The following EYS variants were observed in gnomAD, a reference collection of about 807,000 sequenced individuals.
EYS encodes EGF-like photoreceptor maintenance factor.
Under a neutral mutation model 282.1 loss-of-function variants are expected in EYS, and 250 were observed. The ratio of observed to expected loss-of-function variants is 0.89; its 90% confidence interval spans 0.80 to 0.98. The LOEUF (loss-of-function observed/expected upper bound fraction) is 0.98, where lower values mean the gene tolerates loss of function less well. Ranked by LOEUF, EYS falls within the 50% of genes least tolerant of loss-of-function variation. The pLI is 0.00. For missense variants in EYS, 4,016 were observed against 3,709.0 expected (o/e 1.08, Z -2.15); for synonymous variants, 1,355 against 1,282.9 (o/e 1.06, Z -1.20).
At chr6:65,592,527 G>A (rs377123047) in intron 2 of EYS, among the ~76,000 whole-genome samples, 1 of 151,878 alleles carries the variant, frequency 6.6e-6, no homozygotes, top group Non-Finnish European at 1.5e-5. Context: ...TTTATCATGA[G>A]CAGGTATAGG....
At chr6:64,033,279 G>T (rs770498960) in intron 33 of EYS, among the ~76,000 whole-genome samples, 4 of 152,044 alleles carry the variant, frequency 2.6e-5, no homozygotes, top group African/African-American at 9.7e-5. Flanking sequence ...CCTACTCATC[G>T]TAAGTCTACT....
intron 2 of EYS, among the ~76,000 whole-genome samples, chr6:65,566,534 A>G (rs893830996): frequency 1.1e-4 from 17 of 152,178 alleles, no homozygotes; most frequent in Admixed American, 1.1e-3. Flanking sequence ...TCTGCCTTAA[A>G]TCTACTTTTG....
At chr6:64,781,431 T>G (rs1005201647) in intron 22 of EYS, among the ~76,000 whole-genome samples, 2 of 151,886 alleles carry the variant, frequency 1.3e-5, no homozygotes, top group African/African-American at 4.8e-5. Context: ...ATGACACTTA[T>G]GGCCGGGCGG....
intron 13 of EYS, among the ~76,000 whole-genome samples, chr6:64,998,678 A>C (rs1771358141): frequency 6.6e-6 from 1 of 152,190 alleles, no homozygotes; most frequent in Non-Finnish European, 1.5e-5. Context: ...CCTAGTTTTT[A>C]ACCTCTCATT....
At chr6:64,685,752 G>T (rs1770073598) in intron 22 of EYS, among the ~76,000 whole-genome samples, 1 of 151,982 alleles carries the variant, frequency 6.6e-6, no homozygotes, top group African/African-American at 2.4e-5. Context: ...AAATTTACTT[G>T]TAAGAGACCC....
chr6:63,774,058 T>C (rs1035792409), intron 40 of EYS, among the ~76,000 whole-genome samples: 3 of 152,238 alleles, frequency 2.0e-5, no homozygotes, highest in African/African-American at 4.8e-5. Flanking sequence ...TAATCTTTGA[T>C]GCATTTTACA....
chr6:63,739,256 G>A (rs1769012072), intron 41 of EYS, among the ~76,000 whole-genome samples: 2 of 152,146 alleles, frequency 1.3e-5, no homozygotes, highest in African/African-American at 4.8e-5. Flanking sequence ...ATGGAACTTA[G>A]TGTATGGGAG....
rs1393913948 is a variant in EYS at position 64,945,848 on chromosome 6, T to C, written c.2326A>G (p.Lys776Glu). ...NFCEQESNEC[K>E]MNPCKNNSTC... The stretch of plus-strand genomic sequence containing the variant: ...GAATTGTTCTTGCAAGGATTCATTT[T>C]ACACTCATTGGATTCTTGTTCACAA... The change falls in exon 15 of 43, where the codon AAA becomes GAA. Residue 776 changes from lysine (K) to glutamate (E), a missense_variant. Lys to Glu is a moderately conservative substitution (Grantham distance 56, BLOSUM62 1). Coordinates refer to ENST00000503581, the MANE Select transcript of EYS (RefSeq NM_001142800.2). The C allele has an allele frequency of 3.9e-6, 6 of 1,549,684 alleles. No homozygotes were observed. The East Asian group carries it at 9.8e-5, about 25-fold the overall frequency.
At chr6:65,483,582 A>G (rs979546271) in intron 5 of EYS, among the ~76,000 whole-genome samples, 2 of 152,144 alleles carry the variant, frequency 1.3e-5, no homozygotes, top group African/African-American at 4.8e-5. Flanking sequence ...ATATATTAAT[A>G]TGCACAGTTG....
In EYS at chr6:65,200,751, TA is replaced by T. The variant is rs781179133; in HGVS notation, c.2023+95111del. Among the ~76,000 whole-genome samples the T allele has an allele frequency of 1.1e-4, 17 of 152,100 alleles. 2 individuals carry two copies. Among genetic ancestry groups the T allele is most frequent in the Non-Finnish European group, 1.6e-4 (11 of 68,004 alleles). ...ACATCTTTCATATTTCTCGAAATTC[TA>T]AATATTAAAAAATTGCTTAGCCACA... On this transcript the variant is annotated intron_variant, in intron 12 of 42. Transcript: ENST00000503581.
rs1224792510 is a variant in EYS at position 64,826,478 on chromosome 6, C to A, written c.2993-3656G>T. Reference sequence around the variant, plus strand: ...TTTGAGTTTTTTTCCTATGATCCCACTTATTTAAAAATCCTCTTTACTAGT... The same window carrying A: ...TTTGAGTTTTTTTCCTATGATCCCAATTATTTAAAAATCCTCTTTACTAGT... On this transcript the variant is annotated intron_variant, in intron 19 of 42. Coordinates refer to ENST00000503581, the MANE Select transcript of EYS (RefSeq NM_001142800.2). Among the ~76,000 whole-genome samples the A allele has an allele frequency of 3.3e-5, 5 of 151,654 alleles. No individual in the cohort carries two copies. In the East Asian group the frequency reaches 9.7e-4, roughly 29 times the overall value.
chr6:65,027,652 C>T (rs2150141954), intron 13 of EYS, among the ~76,000 whole-genome samples: 1 of 152,286 alleles, frequency 6.6e-6, no homozygotes. Context: ...TAAGTGGAAT[C>T]ATGCAATAGG....
At chr6:63,840,653 G>A (rs540122344) in intron 36 of EYS, among the ~76,000 whole-genome samples, 4 of 152,158 alleles carry the variant, frequency 2.6e-5, no homozygotes, top group Admixed American at 2.0e-4. Context: ...TTTTCTTCTA[G>A]TAGTTTTAGA....
intron 14 of EYS, among the ~76,000 whole-genome samples, chr6:64,949,979 G>A (rs559329352): frequency 6.7e-4 from 102 of 151,892 alleles, no homozygotes; most frequent in Middle Eastern, 6.8e-3. Context: ...ATCTAACAAC[G>A]TCAAAGAATA....
chr6:63,910,864 G>A (rs950800570), intron 35 of EYS, among the ~76,000 whole-genome samples: 2 of 151,902 alleles, frequency 1.3e-5, no homozygotes, highest in South Asian at 4.2e-4. Flanking sequence ...TGATTTATTG[G>A]CTTGAAGTTA....
intron 14 of EYS, among the ~76,000 whole-genome samples, chr6:64,994,900 A>G (rs1771195659): frequency 6.6e-6 from 1 of 152,150 alleles, no homozygotes. Context: ...TTCAGGGCTC[A>G]AGCCTACATA....
chr6:64,149,588 C>T (rs866998929), intron 31 of EYS, among the ~76,000 whole-genome samples: 4 of 152,254 alleles, frequency 2.6e-5, no homozygotes, highest in East Asian at 1.9e-4. Flanking sequence ...GGGACTAACA[C>T]GTGATAGACA....
intron 15 of EYS, among the ~76,000 whole-genome samples, chr6:64,940,293 G>A (rs371046998): frequency 3.0e-4 from 45 of 152,006 alleles, no homozygotes; most frequent in African/African-American, 1.1e-3. Context: ...TGTTCCCAGT[G>A]GTGTTTGTCT....
At chr6:65,091,925 C>T (rs910501199) in intron 12 of EYS, among the ~76,000 whole-genome samples, 6 of 152,230 alleles carry the variant, frequency 3.9e-5, no homozygotes, top group East Asian at 3.9e-4. Context: ...CACCTGCCTA[C>T]GGTCCCTCGA....
Sources: allele counts gnomAD v4.1 joint callset (sites outside exome capture counted in the v4.1 genomes callset), GRCh38; gene constraint gnomAD v4.1.1; transcripts MANE v1.5; gene names NCBI Gene and HGNC (gene_info 2026-07-23, HGNC 2026-07-21).